The following ARFGEF2 variants were observed in gnomAD, a reference collection of about 807,000 sequenced individuals.
ARFGEF2 encodes ARF guanine nucleotide exchange factor 2, also known as brefeldin A-inhibited guanine nucleotide-exchange protein 2.
ARFGEF2 carries 74 observed loss-of-function variants against 219.9 expected under a neutral mutation model. The ratio of observed to expected loss-of-function variants is 0.34; its 90% CI spans 0.28 to 0.41. The LOEUF is 0.41. ARFGEF2 is among the 10% of genes least tolerant of loss of function. The probability of loss-of-function intolerance (pLI) is 1.00; values close to 1 mark genes in which losing one functional copy is unlikely to be tolerated. For synonymous variants in ARFGEF2, 733 were observed against 799.2 expected, an observed-to-expected ratio of 0.92 and a Z score of 1.40; for missense variants, 1,743 against 2,218.3, an observed-to-expected ratio of 0.79 and a Z score of 4.30.
intron 36 of ARFGEF2, among the ~76,000 whole-genome samples, chr20:49,027,076 T>A (rs900443606): frequency 6.6e-6 from 1 of 152,030 alleles, no homozygotes; most frequent in Non-Finnish European, 1.5e-5. Flanking sequence ...TGTTCTTTTT[T>A]TTTTATTATT....
intron 3 of ARFGEF2, among the ~76,000 whole-genome samples, chr20:48,950,260 A>C (rs2091057305): frequency 6.6e-6 from 1 of 152,064 alleles, no homozygotes; most frequent in African/African-American, 2.4e-5. Flanking sequence ...TGAAGTTTTT[A>C]CATTAATTTT....
intron 3 of ARFGEF2, among the ~76,000 whole-genome samples, chr20:48,946,140 A>G (rs1174975373): frequency 6.6e-6 from 1 of 152,180 alleles, no homozygotes; most frequent in African/African-American, 2.4e-5. Context: ...GCATCGGGGT[A>G]AAGTTTGGTT....
chr20:48,923,638 G>A (rs2090857666), intron 1 of ARFGEF2, among the ~76,000 whole-genome samples: 1 of 152,268 alleles, frequency 6.6e-6, no homozygotes. Flanking sequence ...TGTTAGGCAA[G>A]AGCCTGGTAT....
At chr20:48,946,708 T>C (rs2091030485) in intron 3 of ARFGEF2, among the ~76,000 whole-genome samples, 2 of 152,144 alleles carry the variant, frequency 1.3e-5, no homozygotes, top group East Asian at 1.9e-4. Context: ...GGTTTTGCCA[T>C]GTTGTCCAGG....
intron 13 of ARFGEF2, 60 bp downstream of exon 13, chr20:48,974,934 G>A: frequency 2.9e-6 from 4 of 1,369,956 alleles, no homozygotes; most frequent in Non-Finnish European, 4.1e-6. Context: ...CGACTGCTAG[G>A]AACAGTTGTC....
chr20:49,009,337 TC>T (rs1485142780), intron 26 of ARFGEF2, among the ~76,000 whole-genome samples: 2 of 152,016 alleles, frequency 1.3e-5, no homozygotes, highest in Non-Finnish European at 2.9e-5. Context: ...AACATGAATG[TC>T]ATTCTAAGCC....
Position 48,990,914 on chromosome 20 carries a change from G to A in ARFGEF2, c.2815-126G>A, listed in dbSNP as rs571390464. 410 of 1,042,912 alleles carry A rather than the reference G, an allele frequency of 3.9e-4. 6 individuals are homozygous for A. The South Asian group carries it at 5.4e-3, about 14-fold the overall frequency. 64.6% of individuals were successfully genotyped at this position (1,042,912 alleles called of 1,614,324 possible). On this transcript the variant is annotated intron_variant, in intron 20 of 38. Transcript: ENST00000371917. ...AGCATGGAATAACTGTTGTGCTAAT[G>A]TGCAGAAAGCCAGTCAATGTGCATA...
intron 14 of ARFGEF2, among the ~76,000 whole-genome samples, chr20:48,983,976 G>A (rs2091311472): frequency 6.6e-6 from 1 of 151,926 alleles, no homozygotes; most frequent in African/African-American, 2.4e-5. Flanking sequence ...CACGTTGGGA[G>A]GCTAAGGTGG....
intron 36 of ARFGEF2, among the ~76,000 whole-genome samples, chr20:49,027,376 G>C (rs944053724): frequency 1.3e-5 from 2 of 152,118 alleles, no homozygotes; most frequent in East Asian, 3.9e-4. Context: ...CAAAACTAAT[G>C]GTTTCGCCAG....
intron 36 of ARFGEF2, among the ~76,000 whole-genome samples, chr20:49,026,944 A>G (rs2091607347): frequency 6.6e-6 from 1 of 151,568 alleles, no homozygotes; most frequent in Admixed American, 6.6e-5. Context: ...AAAGAATGTC[A>G]TTTTTCTCTA....
intron 3 of ARFGEF2, among the ~76,000 whole-genome samples, chr20:48,946,911 C>T (rs1447771951): frequency 1.3e-5 from 2 of 152,048 alleles, no homozygotes; most frequent in Non-Finnish European, 2.9e-5. Context: ...ATGTAATCCT[C>T]CCACCTCAGC....
intron 14 of ARFGEF2, among the ~76,000 whole-genome samples, chr20:48,978,471 A>G (rs936844025): frequency 2.6e-5 from 4 of 152,298 alleles, no homozygotes; most frequent in East Asian, 1.9e-4. Flanking sequence ...TCGGTTCCAT[A>G]TGAACTTTAA....
intron 6 of ARFGEF2, among the ~76,000 whole-genome samples, chr20:48,954,196 A>T (rs1346217132): frequency 2.0e-5 from 3 of 152,216 alleles, no homozygotes; most frequent in Non-Finnish European, 2.9e-5. Flanking sequence ...GTAGCCACTC[A>T]TAGATATCCA....
chr20:49,002,911 G>T lies in ARFGEF2; in HGVS notation c.3433-2159G>T, dbSNP rs181155982. The stretch of plus-strand genomic sequence containing the variant: ...TCCACCCGCCTCAGCCTCCCAAAGT[G>T]CTGGGATTACAGGCGTGAGCCACCA... On this transcript the variant is annotated intron_variant, in intron 25 of 38. Transcript: ENST00000371917. 5.3e-4 allele frequency among the ~76,000 whole-genome samples: 80 copies of T among 151,332 alleles called. No homozygotes were observed. In the East Asian group the frequency reaches 0.014, roughly 27 times the overall value.
intron 36 of ARFGEF2, 111 bp from the exon 37 acceptor site, chr20:49,028,419 A>G: frequency 8.0e-7 from 1 of 1,252,328 alleles, no homozygotes; most frequent in Non-Finnish European, 1.2e-6. Flanking sequence ...GACTATCTCA[A>G]GAAAAAAACA....
chr20:48,978,060 G>T (rs2091273211), intron 14 of ARFGEF2, among the ~76,000 whole-genome samples: 1 of 152,134 alleles, frequency 6.6e-6, no homozygotes, highest in Non-Finnish European at 1.5e-5. Context: ...CCCACGCCTA[G>T]TTCCTGAATG....
At chr20:48,974,118 ATTTTTTTT>A (rs57941437) in intron 12 of ARFGEF2, among the ~76,000 whole-genome samples, 15 of 70,068 alleles carry the variant, frequency 2.1e-4, no homozygotes, top group African/African-American at 7.0e-4. Flanking sequence ...TTGAGTGTGA[ATTTTTTTT>A]TTTTTTTTTT....
At chr20:49,025,544 G>A in intron 36 of ARFGEF2, 63 bp downstream of exon 36, 2 of 1,600,148 alleles carry the variant, frequency 1.2e-6, no homozygotes, top group Non-Finnish European at 1.7e-6. Context: ...ACATTAAAGT[G>A]CTTGGAAAAT....
chr20:48,940,617 G>A (rs1307149708), intron 1 of ARFGEF2, among the ~76,000 whole-genome samples: 1 of 152,160 alleles, frequency 6.6e-6, no homozygotes, highest in South Asian at 2.1e-4. Context: ...AGAAAGCCTC[G>A]GTTCAAATTC....
Sources: allele counts gnomAD v4.1 joint callset (sites outside exome capture counted in the v4.1 genomes callset), GRCh38; gene constraint gnomAD v4.1.1; transcripts MANE v1.5; gene names NCBI Gene and HGNC (gene_info 2026-07-23, HGNC 2026-07-21).